Variants in NOTCH1 observed in about 807,000 individuals in gnomAD.
The protein encoded by NOTCH1 is neurogenic locus notch homolog protein 1.
In NOTCH1, 37 loss-of-function variants were observed where a neutral mutation model predicts 254.8. The observed-to-expected ratio is 0.15, with a 90% CI of 0.11 to 0.19. The LOEUF is 0.19. Ranked by LOEUF, NOTCH1 falls within the 10% of genes least tolerant of loss-of-function variation. The probability of loss-of-function intolerance (pLI) is 1.00; values close to 1 mark genes in which losing one functional copy is unlikely to be tolerated. For missense variants in NOTCH1, 2,972 were observed against 3,708.6 expected, an observed-to-expected ratio of 0.80 and a Z score of 5.16; for synonymous variants, 1,731 against 1,618.1, an observed-to-expected ratio of 1.07 and a Z score of -1.68.
At chr9:136,539,672 T>C (rs993955427) in intron 2 of NOTCH1, among the ~76,000 whole-genome samples, 2 of 152,242 alleles carry the variant, frequency 1.3e-5, no homozygotes, top group African/African-American at 4.8e-5. Context: ...CATGTTTTTC[T>C]AACCCTGGCG....
chr9:136,542,175 C>T (rs1307091062), intron 2 of NOTCH1, among the ~76,000 whole-genome samples: 1 of 152,214 alleles, frequency 6.6e-6, no homozygotes, highest in Non-Finnish European at 1.5e-5. Flanking sequence ...AGACCTCAGT[C>T]CCAGACCCCT....
chr9:136,515,859 T>C (rs1843259496), intron 10 of NOTCH1, 122 bp downstream of exon 10: 1 of 1,067,384 alleles, frequency 9.4e-7, no homozygotes, highest in South Asian at 1.4e-5. Context: ...GGGGCTGAGC[T>C]GTGCTCTCGG....
At chr9:136,507,249 T>C (rs7874030) in intron 22 of NOTCH1, 56 bp downstream of exon 22, 24 of 1,611,776 alleles carry the variant, frequency 1.5e-5, no homozygotes, top group Non-Finnish European at 2.0e-5. Flanking sequence ...GTGCCTGCCC[T>C]GCCCCTGCCC....
chr9:136,525,549 T>C (rs1224695896), intron 2 of NOTCH1, among the ~76,000 whole-genome samples: 1 of 152,124 alleles, frequency 6.6e-6, no homozygotes, highest in South Asian at 2.1e-4. Flanking sequence ...AGATGGGATG[T>C]ACAGAGGGAA....
Position 136,502,283 on chromosome 9 carries a change from G to A in NOTCH1, c.5373C>T (p.Ser1791=), listed in dbSNP as rs777013344. 2.7e-5 allele frequency: 43 copies of A among 1,610,540 alleles called. No individual in the cohort carries two copies. Among genetic ancestry groups the A allele is most frequent in the South Asian group, 2.3e-4 (21 of 91,016 alleles). ...CGGCGTCCGCTCACTTGAGGCCCACGGAGTCCTCGCCGAGGGGCTCCCGCC... is the reference window on the plus strand; with the variant it reads ...CGGCGTCCGCTCACTTGAGGCCCACAGAGTCCTCGCCGAGGGGCTCCCGCC... The part of the protein sequence containing the change: ...KKRREPLGED[S]VGLKPLKNAS... The change falls in exon 28 of 34, where the codon TCC becomes TCT. Residue 1791 remains serine, a synonymous_variant. Coordinates refer to ENST00000651671, the MANE Select transcript of NOTCH1 (RefSeq NM_017617.5).
At chr9:136,510,572 G>C in intron 17 of NOTCH1, 81 bp downstream of exon 17, 1 of 1,520,860 alleles carries the variant, frequency 6.6e-7, no homozygotes, top group Middle Eastern at 2.2e-4. Context: ...CTTATGGCCA[G>C]CACCATGCGC....
chr9:136,511,382 C>T (rs1015494771), intron 15 of NOTCH1, 111 bp from the exon 16 acceptor site: 13 of 1,408,596 alleles, frequency 9.2e-6, no homozygotes, highest in Middle Eastern at 1.8e-4. Context: ...CTGGTCCCGC[C>T]GGGAGGCAAA....
intron 22 of NOTCH1, 55 bp downstream of exon 22, chr9:136,507,250 G>T: frequency 1.2e-6 from 2 of 1,611,820 alleles, no homozygotes; most frequent in Non-Finnish European, 1.7e-6. Flanking sequence ...TGCCTGCCCT[G>T]CCCCTGCCCT....
intron 2 of NOTCH1, among the ~76,000 whole-genome samples, chr9:136,529,462 T>C (rs13285021): frequency 0.19 from 28,409 of 152,158 alleles, 2,953 homozygotes; most frequent in South Asian, 0.27. Context: ...AGAAATGAGC[T>C]GGGCAGGGGG....
intron 5 of NOTCH1, 38 bp downstream of exon 5, chr9:136,519,405 C>T (rs2133372533): frequency 1.2e-6 from 2 of 1,611,020 alleles, no homozygotes; most frequent in South Asian, 1.1e-5. Flanking sequence ...AGCAGCCCCG[C>T]CCCGGCTACC....
At position 136,510,783 on chromosome 9, in the gene NOTCH1, G is replaced by A. The variant is rs1843168645; in HGVS notation, c.2610C>T (p.Ile870=). ...GWQGQTCEVD[I]NECVLSPCRH... ...GGCACGGGCTCAGAACGCACTCGTT[G>A]ATGTCGACCTCACAGGTCTGCCCTG... The change falls in exon 17 of 34, where the codon ATC becomes ATT. Residue 870 remains isoleucine (I), a synonymous_variant. Coordinates refer to ENST00000651671, the MANE Select transcript of NOTCH1 (RefSeq NM_017617.5). The A allele has an allele frequency of 6.2e-7, 1 of 1,610,020 alleles. No homozygotes were observed.
At chr9:136,504,140 G>C (rs1010097729) in intron 26 of NOTCH1, among the ~76,000 whole-genome samples, 9 of 152,220 alleles carry the variant, frequency 5.9e-5, no homozygotes, top group Non-Finnish European at 4.4e-5. Context: ...GTCTGGGGTG[G>C]GGCTGTTCAG....
At chr9:136,538,866 C>T (rs992489265) in intron 2 of NOTCH1, among the ~76,000 whole-genome samples, 3 of 152,330 alleles carry the variant, frequency 2.0e-5, no homozygotes, top group Non-Finnish European at 2.9e-5. Context: ...GCAAGCTAGA[C>T]GCCCAATCGA....
At chr9:136,512,937 AC>A (rs1162311456) in intron 15 of NOTCH1, 83 bp downstream of exon 15, 5 of 246,648 alleles carry the variant, frequency 2.0e-5, no homozygotes, top group Non-Finnish European at 3.3e-5. Flanking sequence ...CCTCTCCAGC[AC>A]AGGCTCCGCC....
chr9:136,507,979 G>A lies in NOTCH1; in HGVS notation c.3486C>T (p.Asp1162=), dbSNP rs771905237. The A allele has an allele frequency of 2.5e-6, 4 of 1,612,662 alleles. No individual in the cohort carries two copies. In the East Asian group the frequency reaches 6.7e-5, roughly 27 times the overall value. Reference sequence around the variant, plus strand: ...CCTTGCAGGAGTAGCCGCCCAGGTAGTCCGTGCAGGTGGCCCCGTTCTGGC... The same window carrying A: ...CCTTGCAGGAGTAGCCGCCCAGGTAATCCGTGCAGGTGGCCCCGTTCTGGC... ...SPCQNGATCT[D]YLGGYSCKCV... The change falls in exon 21 of 34, where the codon GAC becomes GAT. Residue 1162 remains aspartate, a synonymous_variant. Transcript: ENST00000651671.
chr9:136,505,404 T>C lies in NOTCH1; in HGVS notation c.4492A>G (p.Lys1498Glu), dbSNP rs745681787. The C allele has an allele frequency of 3.4e-5, 55 of 1,612,520 alleles. No homozygotes were observed. Among genetic ancestry groups the C allele is most frequent in the Non-Finnish European group, 4.3e-5 (51 of 1,179,926 alleles). ...KNCTQSLQCW[K>E]YFSDGHCDSQ... is the part of the protein sequence containing the mutation. Reference sequence around the variant, plus strand: ...TCACAGTGGCCGTCACTGAAGTACTTCCAGCACTGCAGAGACTGCGTGCAG... The same window carrying C: ...TCACAGTGGCCGTCACTGAAGTACTCCCAGCACTGCAGAGACTGCGTGCAG... The change falls in exon 25 of 34, where the codon AAG (lysine) becomes GAG (glutamate). Residue 1498 changes from lysine (K) to glutamate (E), a missense_variant. Transcript: ENST00000651671.
At chr9:136,502,859 TC>T in intron 27 of NOTCH1, 3 of 584,088 alleles carry the variant, frequency 5.1e-6, no homozygotes, top group Admixed American at 2.6e-5. Context: ...TCTCTCTCTC[TC>T]TTTTTTTTTC....
chr9:136,507,314 C>A lies in NOTCH1; in HGVS notation c.3634G>T (p.Gly1212Cys). The A allele has an allele frequency of 6.2e-7, 1 of 1,612,928 alleles. No individual in the cohort carries two copies. Among genetic ancestry groups the A allele is most frequent in the Non-Finnish European group, 8.5e-7 (1 of 1,179,942 alleles). Residue 1212 changes from glycine (G) to cysteine (C), a missense_variant, in exon 22 of 34, where the codon GGC becomes TGC. Physicochemically the swap from Gly to Cys is radical, Grantham distance 159. Transcript: ENST00000651671. ...PNTYKCSCPR[G>C]TQGVHCEINV... ...GTGCAGCGGCCCTTACCCTGAGTGCCCCGTGGGCAGGAGCACTTGTAGGTG... is the reference window on the plus strand; with the variant it reads ...GTGCAGCGGCCCTTACCCTGAGTGCACCGTGGGCAGGAGCACTTGTAGGTG...
In NOTCH1 at chr9:136,510,796, C is replaced by G. The variant is rs763469662; in HGVS notation, c.2597G>C (p.Cys866Ser). Residue 866 changes from cysteine to serine, a missense_variant, in exon 17 of 34, where the codon TGT becomes TCT. Coordinates refer to ENST00000651671, the MANE Select transcript of NOTCH1 (RefSeq NM_017617.5). ...AACGCACTCGTTGATGTCGACCTCA[C>G]AGGTCTGCCCTGCGGGGCAGGAGGA... ...VCPTGWQGQTCEVDINECVLS... is the reference protein window; with the variant it reads ...VCPTGWQGQTSEVDINECVLS... 3.1e-6 allele frequency: 5 copies of G among 1,609,422 alleles called. No homozygotes were observed. The highest frequency in any genetic ancestry group is 8.5e-7 in the Non-Finnish European group (1 of 1,179,872).
Sources: gnomAD v4.1 joint callset for allele counts (sites outside exome capture counted in the v4.1 genomes callset) on GRCh38, gnomAD v4.1.1 for gene constraint, MANE v1.5 for transcripts, NCBI Gene and HGNC (gene_info 2026-07-23, HGNC 2026-07-21) for gene names.